TACR3: variants seen among roughly 807,000 people sequenced by gnomAD.
TACR3 encodes tachykinin receptor 3.
A neutral mutation model predicts 35.0 loss-of-function variants in TACR3; 34 were observed. The ratio of observed to expected loss-of-function variants is 0.97; its 90% CI spans 0.74 to 1.30. The LOEUF is 1.30. Among genes scored for constraint, TACR3 ranks in the 50% most tolerant of loss-of-function variants. The pLI, the probability that TACR3 is intolerant of heterozygous loss-of-function variation, is 0.00. For synonymous variants in TACR3, 233 were observed against 221.1 expected, an observed-to-expected ratio of 1.05 and a Z score of -0.48; for missense variants, 558 against 591.7, an observed-to-expected ratio of 0.94 and a Z score of 0.59.
At chr4:103,670,752 A>G (rs1726039869) in intron 1 of TACR3, among the ~76,000 whole-genome samples, 1 of 152,002 alleles carries the variant, frequency 6.6e-6, no homozygotes, top group African/African-American at 2.4e-5. Context: ...ATAAGATCAT[A>G]TCGTTTACAA....
At chr4:103,639,154 GGCA>G (rs1332657163) in intron 3 of TACR3, among the ~76,000 whole-genome samples, 1 of 151,916 alleles carries the variant, frequency 6.6e-6, no homozygotes, top group African/African-American at 2.4e-5. Flanking sequence ...TGTTTATTGC[GGCA>G]CTATTCACAA....
At chr4:103,634,395 T>C (rs906758827) in intron 3 of TACR3, among the ~76,000 whole-genome samples, 23 of 152,038 alleles carry the variant, frequency 1.5e-4, no homozygotes, top group African/African-American at 5.6e-4. Context: ...GGAAGAAACA[T>C]AAACAGTGAG....
At chr4:103,637,901 A>C (rs1560817594) in intron 3 of TACR3, among the ~76,000 whole-genome samples, 1 of 152,196 alleles carries the variant, frequency 6.6e-6, no homozygotes, top group African/African-American at 2.4e-5. Context: ...GGACCTCTTC[A>C]AGGAGAACTA....
At chr4:103,640,372 A>T (rs1725327390) in intron 3 of TACR3, among the ~76,000 whole-genome samples, 1 of 152,064 alleles carries the variant, frequency 6.6e-6, no homozygotes, top group Non-Finnish European at 1.5e-5. Context: ...TAACCTTGTA[A>T]TAAGAATCAA....
intron 3 of TACR3, among the ~76,000 whole-genome samples, chr4:103,640,068 A>T (rs1725318411): frequency 6.6e-6 from 1 of 152,016 alleles, no homozygotes; most frequent in Admixed American, 6.6e-5. Context: ...TGACATATAT[A>T]TTACCTAGAT....
chr4:103,690,740 C>T (rs1722385172), intron 1 of TACR3, among the ~76,000 whole-genome samples: 1 of 152,098 alleles, frequency 6.6e-6, no homozygotes, highest in African/African-American at 2.4e-5. Context: ...AAATAAGTAT[C>T]AACATTTTTA....
intron 3 of TACR3, among the ~76,000 whole-genome samples, chr4:103,625,796 A>G (rs1414944466): frequency 4.0e-5 from 6 of 151,748 alleles, no homozygotes; most frequent in African/African-American, 1.5e-4. Flanking sequence ...TTGAAGTCCT[A>G]ACCCCCAGTA....
At chr4:103,643,132 T>C (rs1239207500) in intron 3 of TACR3, among the ~76,000 whole-genome samples, 1 of 151,868 alleles carries the variant, frequency 6.6e-6, no homozygotes, top group African/African-American at 2.4e-5. Context: ...TGCTGACTAA[T>C]ATGATAGCCA....
At chr4:103,634,870 C>T (rs920049372) in intron 3 of TACR3, among the ~76,000 whole-genome samples, 1 of 152,042 alleles carries the variant, frequency 6.6e-6, no homozygotes, top group African/African-American at 2.4e-5. Flanking sequence ...CTAGCTTCAA[C>T]TTCCTTATTT....
intron 4 of TACR3, 141 bp from the exon 5 acceptor site, chr4:103,590,135 T>C (rs1163308187): frequency 9.3e-6 from 9 of 966,336 alleles, no homozygotes; most frequent in Admixed American, 6.2e-5. Context: ...TTAGAATTTA[T>C]GTCACAGTAC....
At chr4:103,640,578 A>C (rs1199327345) in intron 3 of TACR3, among the ~76,000 whole-genome samples, 1 of 151,966 alleles carries the variant, frequency 6.6e-6, no homozygotes, top group Non-Finnish European at 1.5e-5. Flanking sequence ...ACCTCTTATA[A>C]GATGTATGGT....
At chr4:103,695,869 A>T (rs1722510678) in intron 1 of TACR3, among the ~76,000 whole-genome samples, 1 of 152,114 alleles carries the variant, frequency 6.6e-6, no homozygotes, top group South Asian at 2.1e-4. Flanking sequence ...AGTTATCACA[A>T]ATTATTTCAG....
At chr4:103,595,330 G>A (rs1453615209) in intron 3 of TACR3, among the ~76,000 whole-genome samples, 1 of 152,126 alleles carries the variant, frequency 6.6e-6, no homozygotes, top group African/African-American at 2.4e-5. Context: ...ATGTTATTAA[G>A]TGGGTAGCCA....
intron 1 of TACR3, among the ~76,000 whole-genome samples, chr4:103,686,874 G>A (rs1447871592): frequency 1.3e-5 from 2 of 152,078 alleles, no homozygotes; most frequent in Non-Finnish European, 2.9e-5. Context: ...GAAAAAGAGG[G>A]AATCCTCCCT....
intron 1 of TACR3, among the ~76,000 whole-genome samples, chr4:103,701,703 T>C (rs1722652706): frequency 1.3e-5 from 2 of 152,036 alleles, no homozygotes; most frequent in East Asian, 1.9e-4. Context: ...AAAACAGAGA[T>C]ATAGATCAAT....
chr4:103,646,254 T>C (rs1309016159), intron 3 of TACR3, among the ~76,000 whole-genome samples: 2 of 151,992 alleles, frequency 1.3e-5, no homozygotes. Context: ...TTCATTTTTC[T>C]TTACCTGATT....
chr4:103,618,159 T>C (rs1010476506), intron 3 of TACR3, among the ~76,000 whole-genome samples: 2 of 152,214 alleles, frequency 1.3e-5, no homozygotes, highest in East Asian at 3.8e-4. Context: ...CCAAGGTCGA[T>C]GTTGAGAAGA....
At chr4:103,605,093 T>G (rs983012461) in intron 3 of TACR3, among the ~76,000 whole-genome samples, 2 of 150,622 alleles carry the variant, frequency 1.3e-5, no homozygotes, top group African/African-American at 4.9e-5. Context: ...TGGCTTTTTT[T>G]TGCGATAGTT....
rs572043162 is a variant in TACR3, at chr4:103,587,312, T to A, written c.*2370A>T. 1 of 152,208 alleles carries A rather than the reference T, an allele frequency of 6.6e-6. No individual in the cohort carries two copies. The highest frequency in any genetic ancestry group is 1.5e-5 in the Non-Finnish European group (1 of 67,990). The allele number at this position is 152,208 out of a possible 1,614,324, so 9.4% of individuals were successfully genotyped here. ...GAACTTAAAAAATTCTGCCTATAGG[T>A]CTCAGTTTAAGGGCCATGAGTAGTG... is the stretch of plus-strand genomic sequence containing the variant. On this transcript the variant is annotated 3_prime_UTR_variant, in exon 5 of 5. Transcript: ENST00000304883.
Sources: allele counts gnomAD v4.1 joint callset (sites outside exome capture counted in the v4.1 genomes callset), GRCh38; gene constraint gnomAD v4.1.1; transcripts MANE v1.5; gene names NCBI Gene and HGNC (gene_info 2026-07-23, HGNC 2026-07-21).